KCNJ6: variants seen among roughly 807,000 people sequenced by gnomAD.
KCNJ6 encodes G protein-activated inward rectifier potassium channel 2.
A neutral mutation model predicts 34.2 loss-of-function variants in KCNJ6; 9 were observed. The ratio of observed to expected loss-of-function variants is 0.26; its 90% confidence interval spans 0.16 to 0.46. The LOEUF is 0.46. Among genes scored for constraint, KCNJ6 ranks in the 20% least tolerant of loss-of-function variants. The pLI, the probability that KCNJ6 is intolerant of heterozygous loss-of-function variation, is 1.00. For synonymous variants in KCNJ6, 196 were observed against 207.1 expected (o/e 0.95, Z 0.46); for missense variants, 236 against 531.3 (o/e 0.44, Z 5.46).
intron 1 of KCNJ6, among the ~76,000 whole-genome samples, chr21:37,868,378 A>G (rs1001759702): frequency 6.6e-6 from 1 of 152,220 alleles, no homozygotes; most frequent in Non-Finnish European, 1.5e-5. Flanking sequence ...ACAGAATTAA[A>G]CTGAATGTGT....
chr21:37,782,651 G>GA (rs1182563919), intron 2 of KCNJ6, among the ~76,000 whole-genome samples: 12 of 152,160 alleles, frequency 7.9e-5, no homozygotes, highest in African/African-American at 2.9e-4. Flanking sequence ...CTATGCAACA[G>GA]AAAATCTGTA....
At chr21:37,693,404 C>T (rs2054649092) in intron 3 of KCNJ6, among the ~76,000 whole-genome samples, 2 of 152,160 alleles carry the variant, frequency 1.3e-5, no homozygotes, top group African/African-American at 2.4e-5. Context: ...CAGGAATGAA[C>T]CACGGCGGAT....
rs1003510918 is a variant in KCNJ6 at position 37,659,083 on chromosome 21, G to C, written c.947-33599C>G. Among the ~76,000 whole-genome samples the C allele has an allele frequency of 2.0e-5, 3 of 152,348 alleles. No homozygotes were observed. In the South Asian group the frequency reaches 6.2e-4, roughly 32 times the overall value. Reference sequence around the variant, plus strand: ...TGGAATGCTTTGCTACTTTGTAAGGGCTTCAGTTGCTAAGAACTTACTGCA... The same window carrying C: ...TGGAATGCTTTGCTACTTTGTAAGGCCTTCAGTTGCTAAGAACTTACTGCA... On this transcript the variant is annotated intron_variant, in intron 3 of 3. Transcript: ENST00000609713.
At position 37,621,616 on chromosome 21, in the gene KCNJ6, C is replaced by A. The variant is rs2054290138; in HGVS notation, c.*3543G>T. ...CAGAGCCCTAGCTTGGTTAGACCTGCAAGAGAAAATTGTGCTTAAGAAATA... is the reference window on the plus strand; with the variant it reads ...CAGAGCCCTAGCTTGGTTAGACCTGAAAGAGAAAATTGTGCTTAAGAAATA... On this transcript the variant is annotated 3_prime_UTR_variant, in exon 4 of 4. Coordinates refer to ENST00000609713, the MANE Select transcript of KCNJ6 (RefSeq NM_002240.5). The A allele has an allele frequency of 6.6e-6, 1 of 152,144 alleles. No individual in the cohort carries two copies. Among genetic ancestry groups the A allele is most frequent in the South Asian group, 2.1e-4 (1 of 4,824 alleles). The allele number at this position is 152,144 out of a possible 1,614,324, so 9.4% of individuals were successfully genotyped here.
chr21:37,640,870 G>A (rs937573883), intron 3 of KCNJ6, among the ~76,000 whole-genome samples: 2 of 152,126 alleles, frequency 1.3e-5, no homozygotes, highest in Non-Finnish European at 2.9e-5. Context: ...GCATTCCAAA[G>A]TTTCCCAATG....
At chr21:37,819,951 A>AT (rs35489711) in intron 2 of KCNJ6, among the ~76,000 whole-genome samples, 66,237 of 151,250 alleles carry the variant, frequency 0.44, 15,802 homozygotes, top group African/African-American at 0.62. Context: ...CACCTGGCTA[A>AT]TTTTTTTTGT....
rs1215645120 is a variant in KCNJ6 at position 37,619,335 on chromosome 21, AC to A, written c.*5823del. 1 of 152,186 alleles carries A rather than the reference AC, an allele frequency of 6.6e-6. No homozygotes were observed. Among genetic ancestry groups the A allele is most frequent in the Admixed American group, 6.5e-5 (1 of 15,272 alleles). The allele number at this position is 152,186 out of a possible 1,614,324, so 9.4% of individuals were successfully genotyped here. A position where few individuals can be genotyped will look rare whatever the true frequency, so the allele number is the denominator to read the frequency against. On this transcript the variant is annotated 3_prime_UTR_variant, in exon 4 of 4. Transcript: ENST00000609713. ...CTCATCTAAAAACCCCAAGGTCTGG[AC>A]TTTTTCCATCCATTATGTCTGTAAT...
At chr21:37,884,413 C>T (rs73423494) in intron 1 of KCNJ6, among the ~76,000 whole-genome samples, 4,125 of 152,250 alleles carry the variant, frequency 0.027, 242 homozygotes, top group East Asian at 0.23. Flanking sequence ...CTCTGCATCT[C>T]AGCTTCCTGC....
chr21:37,888,264 C>G (rs2055745366), intron 1 of KCNJ6, among the ~76,000 whole-genome samples: 1 of 152,208 alleles, frequency 6.6e-6, no homozygotes, highest in African/African-American at 2.4e-5. Context: ...TTCTACTGCT[C>G]CCACATCATT....
chr21:37,728,556 G>A (rs1054248626), intron 2 of KCNJ6, among the ~76,000 whole-genome samples: 1 of 152,202 alleles, frequency 6.6e-6, no homozygotes, highest in African/African-American at 2.4e-5. Flanking sequence ...ATTGCAGGAA[G>A]AGCTTACAAA....
At chr21:37,682,438 G>A (rs1337748845) in intron 3 of KCNJ6, among the ~76,000 whole-genome samples, 3 of 152,100 alleles carry the variant, frequency 2.0e-5, no homozygotes, top group Admixed American at 6.5e-5. Context: ...ATTTTATATT[G>A]GTTTTATAGG....
At chr21:37,785,412 C>A (rs1230146095) in intron 2 of KCNJ6, among the ~76,000 whole-genome samples, 1 of 152,190 alleles carries the variant, frequency 6.6e-6, no homozygotes, top group African/African-American at 2.4e-5. Context: ...TCCAAAGGCT[C>A]ACCGTGATCC....
chr21:37,852,307 C>A (rs2055541686), intron 1 of KCNJ6, among the ~76,000 whole-genome samples: 1 of 152,184 alleles, frequency 6.6e-6, no homozygotes, highest in African/African-American at 2.4e-5. Flanking sequence ...AGGTATGTCT[C>A]CCCAGAGCCA....
intron 1 of KCNJ6, among the ~76,000 whole-genome samples, chr21:37,914,123 T>C (rs2055881991): frequency 6.6e-6 from 1 of 151,986 alleles, no homozygotes; most frequent in Admixed American, 6.6e-5. Flanking sequence ...AGCTCAGGTC[T>C]TTCCCTGTCC....
chr21:37,707,729 G>GTGTGTGTGTGTGTGTA (rs1556022151), intron 3 of KCNJ6, among the ~76,000 whole-genome samples: 6 of 151,032 alleles, frequency 4.0e-5, no homozygotes, highest in Non-Finnish European at 7.4e-5. Flanking sequence ...GTGCATGTGT[G>GTGTGTGTGTGTGTGTA]TGTGTGAATA....
chr21:37,629,900 A>T (rs1465149251), intron 3 of KCNJ6, among the ~76,000 whole-genome samples: 2 of 134,670 alleles, frequency 1.5e-5, no homozygotes, highest in African/African-American at 2.5e-5. Flanking sequence ...TTATATCAGA[A>T]CTCATTTAAA....
At chr21:37,711,191 TC>T (rs1249422524) in intron 3 of KCNJ6, among the ~76,000 whole-genome samples, 1 of 152,192 alleles carries the variant, frequency 6.6e-6, no homozygotes, top group Non-Finnish European at 1.5e-5. Flanking sequence ...AGGCAGTGCA[TC>T]CACAGAGCAC....
intron 1 of KCNJ6, among the ~76,000 whole-genome samples, chr21:37,883,613 C>T (rs904172332): frequency 3.9e-5 from 6 of 152,180 alleles, no homozygotes; most frequent in Admixed American, 2.6e-4. Context: ...TATGTAAATG[C>T]ATTTGAAGTT....
In KCNJ6 at chr21:37,752,282, T is replaced by C. The variant is rs2054999879; in HGVS notation, c.26-37151A>G. ...AGCCCCAGTGGCCCTGCTACACTGA[T>C]CACAGCTGGTTGGACCAGAGGTGGA... On this transcript the variant is annotated intron_variant, in intron 2 of 3. Transcript: ENST00000609713. Among the ~76,000 whole-genome samples the C allele has an allele frequency of 1.3e-5, 2 of 152,120 alleles. 1 individual carries two copies. The highest frequency in any genetic ancestry group is 1.3e-4 in the Admixed American group (2 of 15,274).
Sources: gnomAD v4.1 joint callset for allele counts (sites outside exome capture counted in the v4.1 genomes callset) on GRCh38, gnomAD v4.1.1 for gene constraint, MANE v1.5 for transcripts, NCBI Gene and HGNC (gene_info 2026-07-23, HGNC 2026-07-21) for gene names.